Variants in FRS3 observed in about 807,000 individuals in gnomAD.
FRS3 encodes the protein fibroblast growth factor receptor substrate 3, also known as FGFR substrate 3.
In FRS3, 17 loss-of-function variants were observed where a neutral mutation model predicts 41.9. That is an observed-to-expected ratio of 0.41 (90% confidence interval 0.28 to 0.61). The LOEUF is 0.61. Ranked by LOEUF, FRS3 falls within the 20% of genes least tolerant of loss-of-function variation. The pLI is 0.36. For missense variants in FRS3, 619 were observed against 672.1 expected (o/e 0.92, Z 0.87); for synonymous variants, 287 against 274.5 (o/e 1.05, Z -0.45).
At position 41,770,755 on chromosome 6, in the gene FRS3, G is replaced by C. The variant is rs1219171255; in HGVS notation, c.1343C>G (p.Pro448Arg). 7 of 1,613,696 alleles carry C rather than the reference G, an allele frequency of 4.3e-6. No individual in the cohort carries two copies. In the East Asian group the frequency reaches 1.6e-4, roughly 36 times the overall value. Residue 448 changes from proline (P) to arginine (R), a missense_variant, in exon 7 of 7, where the codon CCT becomes CGT. This residue lies in a region of FRS3 where 487 missense variants were observed against 478.3 expected (regional missense o/e 1.02). Coordinates refer to ENST00000373018, the MANE Select transcript of FRS3 (RefSeq NM_006653.5). ...GGCGTAGGAGTCTGAGCTTCGGGCA[G>C]GGTGGGTGGTGGGCATGGGGGCTTG... The part of the protein sequence containing the change: ...SPQAPMPTTH[P>R]ARSSDSYAVI...
Position 41,771,880 on chromosome 6 carries a change from CTTG to C in FRS3, c.497_499del (p.Thr166del). On this transcript the variant is annotated inframe_deletion, in exon 6 of 7. Transcript: ENST00000373018. ...CCCAAGCGAGGGGTGCCGCAGGCTGCTTGTCGAGAGCCGCCGGGGAGCTGAGAA... is the reference window on the plus strand; with the variant it reads ...CCCAAGCGAGGGGTGCCGCAGGCTGCTCGAGAGCCGCCGGGGAGCTGAGAA... 6.4e-7 allele frequency: 1 copy of C among 1,554,226 alleles called. No homozygotes were observed. The highest frequency in any genetic ancestry group is 8.7e-7 in the Non-Finnish European group (1 of 1,148,464).
Position 41,772,827 on chromosome 6 carries a change from T to C in FRS3, c.386A>G (p.Asp129Gly). The change falls in exon 5 of 7, where the codon GAC becomes GGC. Residue 129 changes from aspartate (D) to glycine (G), a missense_variant. This residue lies in a region of FRS3 where 487 missense variants were observed against 478.3 expected (regional missense o/e 1.02). Coordinates refer to ENST00000373018, the MANE Select transcript of FRS3 (RefSeq NM_006653.5). ...ITRNSHPAEL[D>G]LPRAPQPPNA... is the part of the protein sequence containing the mutation. The stretch of plus-strand genomic sequence containing the variant: ...GGGTGGCTGGGGGGCTCGAGGGAGG[T>C]CAAGCTCAGCGGGGTGGCTATTGCG... The C allele has an allele frequency of 6.2e-7, 1 of 1,604,540 alleles. No individual in the cohort carries two copies. The highest frequency in any genetic ancestry group is 8.5e-7 in the Non-Finnish European group (1 of 1,177,612).
Position 41,776,934 on chromosome 6 carries a change from G to T in FRS3, c.54C>A (p.Pro18=). ...GGGCTCTGGGTACCTTGAACTTGGT[G>T]GGGTGGTTGTCTGGAACGCTGTCTC... ...LNRDSVPDNH[P]TKFKVTNVDD... The change falls in exon 3 of 7, where the codon CCC becomes CCA. Residue 18 remains proline, a synonymous_variant. Transcript: ENST00000373018. The T allele has an allele frequency of 1.2e-6, 2 of 1,613,892 alleles. No homozygotes were observed. The highest frequency in any genetic ancestry group is 1.1e-5 in the South Asian group (1 of 91,080).
At chr6:41,773,050 C>G in intron 4 of FRS3, 91 bp from the exon 5 acceptor site, 2 of 1,046,896 alleles carry the variant, frequency 1.9e-6, no homozygotes. Context: ...TGTCCCTCAA[C>G]TCCAGTCCCA....
chr6:41,771,642 T>C, intron 6 of FRS3, 109 bp from the exon 7 acceptor site: 2 of 1,189,352 alleles, frequency 1.7e-6, no homozygotes, highest in Non-Finnish European at 2.3e-6. Flanking sequence ...CTGGAGTTTC[T>C]TCTTCCTTGT....
intron 4 of FRS3, among the ~76,000 whole-genome samples, chr6:41,774,969 T>C (rs1185033386): frequency 6.6e-6 from 1 of 152,158 alleles, no homozygotes; most frequent in Non-Finnish European, 1.5e-5. Flanking sequence ...CTGCTCTGCC[T>C]GCTCACCCAG....
rs1428296974 is a variant in FRS3, at chr6:41,770,554, G to A, written c.*65C>T. On this transcript the variant is annotated 3_prime_UTR_variant, in exon 7 of 7. Transcript: ENST00000373018. The stretch of plus-strand genomic sequence containing the variant: ...GAACCCTGGGGAGGGTGGGTTCAGA[G>A]GACAGGAGTGTGAGGCAGAGGCTGG... 1.3e-6 allele frequency: 2 copies of A among 1,534,042 alleles called. No homozygotes were observed. Among genetic ancestry groups the A allele is most frequent in the Non-Finnish European group, 1.8e-6 (2 of 1,107,892 alleles).
chr6:41,773,093 T>C, intron 4 of FRS3, 134 bp from the exon 5 acceptor site: 1 of 652,712 alleles, frequency 1.5e-6, no homozygotes, highest in Non-Finnish European at 2.7e-6. Flanking sequence ...TCTCCTCATC[T>C]TGAGCATTCT....
chr6:41,775,278 A>C (rs917484996), intron 4 of FRS3, 141 bp downstream of exon 4: 3 of 635,882 alleles, frequency 4.7e-6, no homozygotes, highest in African/African-American at 3.7e-5. Flanking sequence ...CTGACCTCTG[A>C]CTGCAGGGAG....
chr6:41,778,210 A>T (rs1772450513), intron 1 of FRS3, 34 bp from the exon 2 acceptor site: 1 of 152,330 alleles, frequency 6.6e-6, no homozygotes, highest in Non-Finnish European at 1.5e-5. Context: ...GATTAACAAA[A>T]CCTTCTATCT....
At chr6:41,778,338 C>T (rs144119695) in intron 1 of FRS3, among the ~76,000 whole-genome samples, 162 bp from the exon 2 acceptor site, 3 of 152,278 alleles carry the variant, frequency 2.0e-5, no homozygotes, top group East Asian at 1.9e-4. Context: ...AAAGGGAGCA[C>T]AAATCCCAAG....
intron 5 of FRS3, among the ~76,000 whole-genome samples, chr6:41,772,569 C>A (rs1772322754): frequency 6.6e-6 from 1 of 152,192 alleles, no homozygotes; most frequent in South Asian, 2.1e-4. Context: ...CCCCAACCAT[C>A]AGTCAATACA....
intron 2 of FRS3, 129 bp from the exon 3 acceptor site, chr6:41,777,139 C>A (rs1041143842): frequency 4.6e-6 from 3 of 647,154 alleles, no homozygotes; most frequent in Non-Finnish European, 8.4e-6. Flanking sequence ...ATACAGACCC[C>A]CCCTCAAAGA....
In FRS3 at chr6:41,770,697, G is replaced by A; in HGVS notation, c.1401C>T (p.Ser467=). Residue 467 remains serine, a synonymous_variant, in exon 7 of 7, where the codon TCC becomes TCT. Transcript: ENST00000373018. ...CTCGGGGCAGAGCTCTCTGCAGGTT[G>A]GACATGGCCACGGTCTTTTTGAGGT... is the stretch of plus-strand genomic sequence containing the variant. ...VIDLKKTVAM[S]NLQRALPRDD... is the part of the protein sequence containing the mutation. The A allele has an allele frequency of 1.9e-6, 3 of 1,614,152 alleles. No homozygotes were observed. The highest frequency in any genetic ancestry group is 2.5e-6 in the Non-Finnish European group (3 of 1,180,040).
chr6:41,771,114 C>T lies in FRS3; in HGVS notation c.984G>A (p.Leu328=). The part of the protein sequence containing the change: ...ALLHYENLPP[L]PPVWESQAQQ... ...GGGCTTGGCTTTCCCACACAGGGGGCAGTGGGGGCAGGTTCTCATAGTGCA... is the reference window on the plus strand; with the variant it reads ...GGGCTTGGCTTTCCCACACAGGGGGTAGTGGGGGCAGGTTCTCATAGTGCA... The change falls in exon 7 of 7, where the codon CTG becomes CTA. Residue 328 remains leucine (L), a synonymous_variant. Coordinates refer to ENST00000373018, the MANE Select transcript of FRS3 (RefSeq NM_006653.5). 3 of 1,580,808 alleles carry T rather than the reference C, an allele frequency of 1.9e-6. No homozygotes were observed. Among genetic ancestry groups the T allele is most frequent in the African/African-American group, 1.3e-5 (1 of 74,380 alleles).
rs770198041 is a variant in FRS3, at chr6:41,771,357, G to A, written c.741C>T (p.Thr247=). Residue 247 remains threonine, a synonymous_variant, in exon 7 of 7, where the codon ACC becomes ACT. Transcript: ENST00000373018. ...PGQVKFVLGP[T]PARRHMVKCQ... is the part of the protein sequence containing the mutation. ...ACTTCACCATGTGCCGCCGAGCAGG[G>A]GTCGGGCCCAACACAAACTTCACCT... 1.1e-5 allele frequency: 17 copies of A among 1,613,564 alleles called. No individual in the cohort carries two copies. Among genetic ancestry groups the A allele is most frequent in the Admixed American group, 6.7e-5 (4 of 59,948 alleles).
Position 41,770,691 on chromosome 6 carries a change from C to A in FRS3, c.1407G>T (p.Leu469=), listed in dbSNP as rs760530626. 3 of 1,613,834 alleles carry A rather than the reference C, an allele frequency of 1.9e-6. No individual in the cohort carries two copies. Among genetic ancestry groups the A allele is most frequent in the African/African-American group, 2.7e-5 (2 of 74,858 alleles). ...DLKKTVAMSN[L]QRALPRDDGT... ...CATCGTCTCGGGGCAGAGCTCTCTG[C>A]AGGTTGGACATGGCCACGGTCTTTT... Residue 469 remains leucine, a synonymous_variant, in exon 7 of 7, where the codon CTG becomes CTT. Coordinates refer to ENST00000373018, the MANE Select transcript of FRS3 (RefSeq NM_006653.5).
At position 41,770,778 on chromosome 6, in the gene FRS3, T is replaced by C. The variant is rs771501954; in HGVS notation, c.1320A>G (p.Gln440=). 6 of 1,612,586 alleles carry C rather than the reference T, an allele frequency of 3.7e-6. No homozygotes were observed. The highest frequency in any genetic ancestry group is 1.7e-5 in the Admixed American group (1 of 59,974). ...CAGGGTGGGTGGTGGGCATGGGGGC[T>C]TGGGGGCTCGAGGGGTTCTGGGGCC... The part of the protein sequence containing the change: ...PKGPQNPSSP[Q]APMPTTHPAR... Residue 440 remains glutamine (Q), a synonymous_variant, in exon 7 of 7, where the codon CAA becomes CAG. Coordinates refer to ENST00000373018, the MANE Select transcript of FRS3 (RefSeq NM_006653.5).
intron 4 of FRS3, among the ~76,000 whole-genome samples, chr6:41,773,296 G>A (rs1772342360): frequency 6.6e-6 from 1 of 151,890 alleles, no homozygotes; most frequent in African/African-American, 2.4e-5. Flanking sequence ...TTGAGACGGG[G>A]TTTCACCATG....
Sources: gnomAD v4.1 joint callset for allele counts (sites outside exome capture counted in the v4.1 genomes callset) on GRCh38, gnomAD v4.1.1 for gene constraint, gnomAD v4.1.1 regional missense constraint, MANE v1.5 for transcripts, NCBI Gene and HGNC (gene_info 2026-07-23, HGNC 2026-07-21) for gene names.